The following ZNF644 variants were observed in gnomAD, a reference collection of about 807,000 sequenced individuals.
ZNF644 encodes the protein zinc finger protein 644, also known as zinc finger motif enhancer binding protein 2.
ZNF644 carries 20 observed loss-of-function variants against 108.0 expected under a neutral mutation model. That is an observed-to-expected ratio of 0.19 (90% confidence interval 0.13 to 0.27). ZNF644 has a LOEUF of 0.27. Ranked by LOEUF, ZNF644 falls within the 10% of genes least tolerant of loss-of-function variation. The probability of loss-of-function intolerance (pLI) is 1.00; values close to 1 mark genes in which losing one functional copy is unlikely to be tolerated. For missense variants in ZNF644, 1,338 were observed against 1,548.9 expected (o/e 0.86, Z 2.29); for synonymous variants, 542 against 539.1 (o/e 1.01, Z -0.08).
intron 2 of ZNF644, among the ~76,000 whole-genome samples, chr1:90,946,834 C>G (rs984321721): frequency 1.3e-5 from 2 of 151,970 alleles, no homozygotes; most frequent in Non-Finnish European, 2.9e-5. Context: ...ACCTGTTGAA[C>G]AGCTTGTTCC....
chr1:90,967,915 G>T (rs2101224365), intron 2 of ZNF644, among the ~76,000 whole-genome samples: 1 of 146,384 alleles, frequency 6.8e-6, no homozygotes, highest in Admixed American at 6.9e-5. Context: ...AAAAAAATTA[G>T]CCAGGAGTGG....
Position 90,939,777 on chromosome 1 carries a change from CAGT to C in ZNF644, c.1574_1576del (p.Tyr525del), listed in dbSNP as rs1557571154. 2 of 1,613,820 alleles carry C rather than the reference CAGT, an allele frequency of 1.2e-6. No homozygotes were observed. Among genetic ancestry groups the C allele is most frequent in the Non-Finnish European group, 1.7e-6 (2 of 1,179,960 alleles). ...TGCCATGAAGTTACACTCTTCACAG[CAGT>C]AGTACCTTTTATCTTTTTCATGGGT... On this transcript the variant is annotated inframe_deletion, in exon 3 of 6. Transcript: ENST00000337393.
chr1:90,973,702 C>T (rs1399300712), intron 2 of ZNF644, among the ~76,000 whole-genome samples: 1 of 151,556 alleles, frequency 6.6e-6, no homozygotes, highest in Non-Finnish European at 1.5e-5. Context: ...TTGTTTTTAC[C>T]AGTTTAAAAA....
At position 90,965,003 on chromosome 1, in the gene ZNF644, A is replaced by G. The variant is rs578108603; in HGVS notation, c.44+17307T>C. Among the ~76,000 whole-genome samples the G allele has an allele frequency of 4.6e-5, 7 of 152,266 alleles. No individual in the cohort carries two copies. In the East Asian group the frequency reaches 1.3e-3, roughly 29 times the overall value. On this transcript the variant is annotated intron_variant, in intron 2 of 5. Coordinates refer to ENST00000337393, the MANE Select transcript of ZNF644 (RefSeq NM_201269.3). ...ACACACACACATACACACAAACACA[A>G]TAAAAGACCTGGAACGTTTCATAAC... is the stretch of plus-strand genomic sequence containing the variant.
chr1:91,004,870 T>C (rs976277510), intron 1 of ZNF644, among the ~76,000 whole-genome samples: 7 of 152,076 alleles, frequency 4.6e-5, no homozygotes, highest in African/African-American at 1.7e-4. Context: ...AGTGATACAC[T>C]TGAAAATATC....
At chr1:90,917,661 C>T (rs1324466923) in intron 5 of ZNF644, among the ~76,000 whole-genome samples, 1 of 152,108 alleles carries the variant, frequency 6.6e-6, no homozygotes, top group Non-Finnish European at 1.5e-5. Context: ...CAAAGCCTGG[C>T]TAATTTTGGT....
intron 2 of ZNF644, among the ~76,000 whole-genome samples, chr1:90,968,176 G>A (rs1427731146): frequency 6.6e-6 from 1 of 151,710 alleles, no homozygotes; most frequent in African/African-American, 2.4e-5. Flanking sequence ...CTCAATTAGT[G>A]ATATACCTAA....
chr1:90,997,311 C>T (rs997256567), intron 1 of ZNF644, among the ~76,000 whole-genome samples: 3 of 152,108 alleles, frequency 2.0e-5, no homozygotes, highest in African/African-American at 7.2e-5. Context: ...ATAACTTCAA[C>T]AAAAAGATTT....
chr1:90,973,041 A>G (rs561124213), intron 2 of ZNF644: 3 of 152,276 alleles, frequency 2.0e-5, no homozygotes, highest in Non-Finnish European at 2.9e-5. Context: ...ATGAGTGCAC[A>G]TTATAAATGT....
chr1:90,921,961 T>C (rs191096357), intron 4 of ZNF644, among the ~76,000 whole-genome samples: 5 of 152,244 alleles, frequency 3.3e-5, no homozygotes, highest in Admixed American at 3.3e-4. Flanking sequence ...AAAATTCAAG[T>C]CTGTTTTCTG....
At chr1:91,010,603 A>G (rs1279829475) in intron 1 of ZNF644, among the ~76,000 whole-genome samples, 1 of 152,034 alleles carries the variant, frequency 6.6e-6, no homozygotes, top group Non-Finnish European at 1.5e-5. Flanking sequence ...TTCAAAATCT[A>G]GGTAAAAAAT....
intron 2 of ZNF644, among the ~76,000 whole-genome samples, chr1:90,968,242 T>A (rs1422837410): frequency 6.6e-6 from 1 of 152,098 alleles, no homozygotes; most frequent in African/African-American, 2.4e-5. Context: ...ATTTTTAAAA[T>A]TTCCTAGGTA....
At chr1:90,954,993 T>C (rs2101075926) in intron 2 of ZNF644, among the ~76,000 whole-genome samples, 1 of 152,350 alleles carries the variant, frequency 6.6e-6, no homozygotes, top group South Asian at 2.1e-4. Flanking sequence ...ATGTACTTAG[T>C]GACTTCAAGG....
At chr1:90,943,689 A>G (rs1262075781) in intron 2 of ZNF644, among the ~76,000 whole-genome samples, 1 of 152,180 alleles carries the variant, frequency 6.6e-6, no homozygotes, top group African/African-American at 2.4e-5. Flanking sequence ...TTCCAATAAG[A>G]TCACATTTAA....
intron 2 of ZNF644, among the ~76,000 whole-genome samples, chr1:90,951,369 G>A (rs1424001938): frequency 6.6e-6 from 1 of 152,122 alleles, no homozygotes; most frequent in African/African-American, 2.4e-5. Context: ...CTTTGACTTC[G>A]TTTCCTACTC....
rs1641392185 is a variant in ZNF644 at position 90,921,274 on chromosome 1, G to A, written c.3689-3120C>T. On this transcript the variant is annotated intron_variant, in intron 4 of 5. Coordinates refer to ENST00000337393, the MANE Select transcript of ZNF644 (RefSeq NM_201269.3). ...ACACATTCAGTTTTAATATAATGCAGCTCATCAGTATCTGTGATAAACAGC... is the reference window on the plus strand; with the variant it reads ...ACACATTCAGTTTTAATATAATGCAACTCATCAGTATCTGTGATAAACAGC... Among the ~76,000 whole-genome samples, 3 of 152,020 alleles carry A rather than the reference G, an allele frequency of 2.0e-5. No individual in the cohort carries two copies. The South Asian group carries it at 6.2e-4, about 32-fold the overall frequency.
chr1:90,944,662 T>C (rs1193915040), intron 2 of ZNF644, among the ~76,000 whole-genome samples: 1 of 151,840 alleles, frequency 6.6e-6, no homozygotes, highest in African/African-American at 2.4e-5. Flanking sequence ...ATACTGTCCA[T>C]TTTCTGTTCA....
At chr1:90,934,848 C>T (rs1651147078) in intron 4 of ZNF644, among the ~76,000 whole-genome samples, 1 of 152,104 alleles carries the variant, frequency 6.6e-6, no homozygotes, top group African/African-American at 2.4e-5. Flanking sequence ...CTAATCAAGT[C>T]TACATTTTGA....
chr1:91,014,688 A>T (rs780538402), intron 1 of ZNF644, among the ~76,000 whole-genome samples: 2 of 152,162 alleles, frequency 1.3e-5, no homozygotes, highest in African/African-American at 2.4e-5. Flanking sequence ...AGCCAAGACA[A>T]AGAGCCTTTA....
Sources: allele counts gnomAD v4.1 joint callset (sites outside exome capture counted in the v4.1 genomes callset), GRCh38; gene constraint gnomAD v4.1.1; transcripts MANE v1.5; gene names NCBI Gene and HGNC (gene_info 2026-07-23, HGNC 2026-07-21).